The following ADAMTS2 variants were observed in gnomAD, a reference collection of about 807,000 sequenced individuals.
The protein encoded by ADAMTS2 is ADAM metallopeptidase with thrombospondin type 1 motif 2, also known as A disintegrin and metalloproteinase with thrombospondin motifs 2.
Under a neutral mutation model 123.0 loss-of-function variants are expected in ADAMTS2, and 50 were observed. The ratio of observed to expected loss-of-function variants is 0.41; its 90% CI spans 0.32 to 0.51. The LOEUF is 0.51. Ranked by LOEUF, ADAMTS2 falls within the 20% of genes least tolerant of loss-of-function variation. The pLI is 0.35. For missense variants in ADAMTS2, 1,494 were observed against 1,705.2 expected, an observed-to-expected ratio of 0.88 and a Z score of 2.18; for synonymous variants, 678 against 695.4, an observed-to-expected ratio of 0.98 and a Z score of 0.39.
At chr5:179,183,611 G>A (rs560181040) in intron 4 of ADAMTS2, among the ~76,000 whole-genome samples, 1 of 152,326 alleles carries the variant, frequency 6.6e-6, no homozygotes, top group South Asian at 2.1e-4. Context: ...CAGATGCCAG[G>A]GTCCCCTGCA....
intron 4 of ADAMTS2, among the ~76,000 whole-genome samples, chr5:179,207,240 G>A (rs1182632041): frequency 1.3e-5 from 2 of 152,118 alleles, no homozygotes; most frequent in African/African-American, 2.4e-5. Flanking sequence ...TCATTCAAAC[G>A]ACTGGAGTTT....
At chr5:179,146,464 C>A (rs1009957305) in intron 10 of ADAMTS2, among the ~76,000 whole-genome samples, 1 of 152,218 alleles carries the variant, frequency 6.6e-6, no homozygotes, top group African/African-American at 2.4e-5. Context: ...GGATGAGCAA[C>A]GCTCAGTAGC....
rs374590440 is a variant in ADAMTS2 at position 179,181,078 on chromosome 5, A to G, written c.969T>C (p.Tyr323=). The G allele has an allele frequency of 1.1e-5, 18 of 1,613,700 alleles. No homozygotes were observed. The African/African-American group carries it at 2.3e-4, about 20-fold the overall frequency. Reference sequence around the variant, plus strand: ...CTGGCCACAGTGCACTCACCTTTCCATAGCTCAGGAGGATGATCCGCACCA... The same window carrying G: ...CTGGCCACAGTGCACTCACCTTTCCGTAGCTCAGGAGGATGATCCGCACCA... The part of the protein sequence containing the change: ...VVLVRIILLS[Y]GKSMSLIEIG... The change falls in exon 5 of 22, where the codon TAT becomes TAC. Residue 323 remains tyrosine, a synonymous_variant. Transcript: ENST00000251582. This position sits in a 1 kb window ranked among gnomAD's most constrained non-coding sequence, Gnocchi z 4.1.
intron 3 of ADAMTS2, among the ~76,000 whole-genome samples, chr5:179,216,448 C>A (rs564626046): frequency 6.6e-6 from 1 of 152,054 alleles, no homozygotes; most frequent in Non-Finnish European, 1.5e-5. Flanking sequence ...GGAGGCAGGC[C>A]GTGGCGAGCT....
chr5:179,185,092 T>C lies in ADAMTS2; in HGVS notation c.892-3937A>G, dbSNP rs1350445489. Among the ~76,000 whole-genome samples the C allele has an allele frequency of 6.6e-6, 1 of 152,032 alleles. No homozygotes were observed. Among genetic ancestry groups the C allele is most frequent in the Non-Finnish European group, 1.5e-5 (1 of 67,980 alleles). ...AGGCACCTTCCAAGCACAGAGGGGA[T>C]GTGGAAGGGATGCCCCAGCAGAGGA... On this transcript the variant is annotated intron_variant, in intron 4 of 21. Transcript: ENST00000251582. The surrounding 1 kb of genome is among the most constrained non-coding windows in gnomAD (Gnocchi z 5.9).
rs1766054247 is a variant in ADAMTS2 at position 179,256,480 on chromosome 5, T to A, written c.688+16431A>T. Among the ~76,000 whole-genome samples the A allele has an allele frequency of 6.6e-6, 1 of 152,074 alleles. No individual in the cohort carries two copies. Among genetic ancestry groups the A allele is most frequent in the Non-Finnish European group, 1.5e-5 (1 of 68,016 alleles). On this transcript the variant is annotated intron_variant, in intron 3 of 21. Coordinates refer to ENST00000251582, the MANE Select transcript of ADAMTS2 (RefSeq NM_014244.5). This position sits in a 1 kb window ranked among gnomAD's most constrained non-coding sequence, Gnocchi z 4.1. ...CCAGCATTTCCTACATGGATGAAGA[T>A]GTGGATGTGTCTGCTCTGACCATGG... is the stretch of plus-strand genomic sequence containing the variant.
rs538088956 is a variant in ADAMTS2 at position 179,189,898 on chromosome 5, C to T, written c.892-8743G>A. On this transcript the variant is annotated intron_variant, in intron 4 of 21. Transcript: ENST00000251582. This position sits in a 1 kb window ranked among gnomAD's most constrained non-coding sequence, Gnocchi z 4.2. ...CAAAGTAGATTCACAAGGGCGGGTCCGGCGGGGGCGGGTGGCAATATCACA... is the reference window on the plus strand; with the variant it reads ...CAAAGTAGATTCACAAGGGCGGGTCTGGCGGGGGCGGGTGGCAATATCACA... Among the ~76,000 whole-genome samples, 4 of 150,084 alleles carry T rather than the reference C, an allele frequency of 2.7e-5. No individual in the cohort carries two copies. The highest frequency in any genetic ancestry group is 2.0e-4 in the East Asian group (1 of 5,114).
chr5:179,167,157 C>T (rs1405748213), intron 5 of ADAMTS2, among the ~76,000 whole-genome samples: 1 of 152,290 alleles, frequency 6.6e-6, no homozygotes, highest in African/African-American at 2.4e-5. Flanking sequence ...TCCTACCTTC[C>T]GGATGACGAA....
chr5:179,187,726 A>T (rs939036915), intron 4 of ADAMTS2, among the ~76,000 whole-genome samples: 1 of 152,118 alleles, frequency 6.6e-6, no homozygotes, highest in Non-Finnish European at 1.5e-5. Context: ...GTCCTTGAGT[A>T]CTGTCTGAGA....
At chr5:179,300,043 T>A (rs1411775966) in intron 2 of ADAMTS2, among the ~76,000 whole-genome samples, 1 of 139,536 alleles carries the variant, frequency 7.2e-6, no homozygotes, top group Non-Finnish European at 1.5e-5. Context: ...GCAGTGAGCC[T>A]GAGATTATGC....
rs35845418 is a variant in ADAMTS2 at position 179,324,393 on chromosome 5, CTT to C, written c.534+19372_534+19373del. ...TGTATGTTGATAGCTTTATTTTTCTCTTTTTTTTTTTTTTTGAGACAGAGTCT... is the reference window on the plus strand; with the variant it reads ...TGTATGTTGATAGCTTTATTTTTCTCTTTTTTTTTTTTTGAGACAGAGTCT... On this transcript the variant is annotated intron_variant, in intron 2 of 21. Coordinates refer to ENST00000251582, the MANE Select transcript of ADAMTS2 (RefSeq NM_014244.5). 1.3e-3 allele frequency among the ~76,000 whole-genome samples: 187 copies of C among 142,036 alleles called. 1 individual carries two copies. Among genetic ancestry groups the C allele is most frequent in the African/African-American group, 4.4e-3 (168 of 38,220 alleles). 93.2% of individuals were successfully genotyped at this position (142,036 alleles called of 152,430 possible). A position where few individuals can be genotyped will look rare whatever the true frequency, so the allele number is the denominator to read the frequency against.
chr5:179,276,187 G>A (rs1446876300), intron 2 of ADAMTS2, among the ~76,000 whole-genome samples: 2 of 152,144 alleles, frequency 1.3e-5, no homozygotes, highest in South Asian at 4.1e-4. Flanking sequence ...TGCAGGCCAC[G>A]TCCCCCAAGG....
intron 2 of ADAMTS2, among the ~76,000 whole-genome samples, chr5:179,324,209 AT>A (rs1395541404): frequency 6.6e-6 from 1 of 152,194 alleles, no homozygotes; most frequent in African/African-American, 2.4e-5. Flanking sequence ...ATGATCTAAA[AT>A]TGTGGTGATG....
chr5:179,127,502 G>T (rs1762880367), intron 17 of ADAMTS2, among the ~76,000 whole-genome samples: 1 of 152,126 alleles, frequency 6.6e-6, no homozygotes, highest in African/African-American at 2.4e-5. Context: ...ACTCTCTGGG[G>T]TCCAGAGTGG....
intron 2 of ADAMTS2, among the ~76,000 whole-genome samples, chr5:179,286,216 C>CAAA (rs33951526): frequency 1.5e-4 from 10 of 66,040 alleles, no homozygotes; most frequent in Non-Finnish European, 2.0e-4. Context: ...ACTCTTGTCT[C>CAAA]AAAAAAAAAA....
At position 179,154,853 on chromosome 5, in the gene ADAMTS2, A is replaced by G; in HGVS notation, c.1199T>C (p.Phe400Ser). Residue 400 changes from phenylalanine to serine, a missense_variant, in exon 7 of 22, where the codon TTC (phenylalanine) becomes TCC (serine). Transcript: ENST00000251582. ...ATGGGCCACCACAAACGCTGAGGAG[A>G]AGCCGTCCTCATGGTTCAGGGTGCA... is the stretch of plus-strand genomic sequence containing the variant. ...RSCTLNHEDG[F>S]SSAFVVAHET... The G allele has an allele frequency of 6.2e-7, 1 of 1,613,568 alleles. No individual in the cohort carries two copies. Among genetic ancestry groups the G allele is most frequent in the Non-Finnish European group, 8.5e-7 (1 of 1,179,890 alleles).
intron 3 of ADAMTS2, among the ~76,000 whole-genome samples, chr5:179,269,285 G>A (rs151060812): frequency 1.3e-5 from 2 of 152,324 alleles, no homozygotes; most frequent in Non-Finnish European, 2.9e-5. Context: ...GGCCCACAGA[G>A]CTGTGAGAGA....
intron 2 of ADAMTS2, among the ~76,000 whole-genome samples, chr5:179,325,486 C>T (rs900940414): frequency 6.6e-6 from 1 of 152,260 alleles, no homozygotes; most frequent in East Asian, 1.9e-4. Flanking sequence ...CTCCCCGACC[C>T]ACTCCCAGAG....
intron 2 of ADAMTS2, among the ~76,000 whole-genome samples, chr5:179,293,869 G>T (rs868728524): frequency 5.9e-5 from 9 of 151,638 alleles, no homozygotes; most frequent in African/African-American, 1.2e-4. Flanking sequence ...TGATCCGCCT[G>T]CCCTGGCTTC....
Sources: allele counts gnomAD v4.1 joint callset (sites outside exome capture counted in the v4.1 genomes callset), GRCh38; gene constraint gnomAD v4.1.1; non-coding constraint Gnocchi (gnomAD v3.1); transcripts MANE v1.5; gene names NCBI Gene and HGNC (gene_info 2026-07-23, HGNC 2026-07-21).